ADAMTS10: variants seen among roughly 807,000 people sequenced by gnomAD.
ADAMTS10 encodes A disintegrin and metalloproteinase with thrombospondin motifs 10.
ADAMTS10 carries 48 observed loss-of-function variants against 135.9 expected under a neutral mutation model. That is an observed-to-expected ratio of 0.35 (90% confidence interval 0.28 to 0.45). The LOEUF (loss-of-function observed/expected upper bound fraction) is 0.45, where lower values mean the gene tolerates loss of function less well. ADAMTS10 is among the 20% of genes least tolerant of loss of function. The probability of loss-of-function intolerance (pLI) is 1.00; values close to 1 mark genes in which losing one functional copy is unlikely to be tolerated. For missense variants in ADAMTS10, 1,131 were observed against 1,565.2 expected, an observed-to-expected ratio of 0.72 and a Z score of 4.68; for synonymous variants, 621 against 647.5, an observed-to-expected ratio of 0.96 and a Z score of 0.62.
At chr19:8,604,070 A>C (rs2042694790) in intron 4 of ADAMTS10, among the ~76,000 whole-genome samples, 186 bp from the exon 5 acceptor site, 1 of 148,610 alleles carries the variant, frequency 6.7e-6, no homozygotes, top group African/African-American at 2.5e-5. Flanking sequence ...CTTCTTTTGG[A>C]GACAAGGTCT....
intron 15 of ADAMTS10, among the ~76,000 whole-genome samples, chr19:8,591,123 T>A (rs1555738794): frequency 6.6e-6 from 1 of 151,932 alleles, no homozygotes; most frequent in African/African-American, 2.4e-5. Flanking sequence ...TCACTGGGTT[T>A]GGTGAGAGGA....
intron 15 of ADAMTS10, among the ~76,000 whole-genome samples, chr19:8,591,352 G>C (rs2042523062): frequency 6.6e-6 from 1 of 152,002 alleles, no homozygotes; most frequent in African/African-American, 2.4e-5. Context: ...AGGTGGTGGG[G>C]GTCAGGGAGA....
At chr19:8,590,083 G>A (rs1189761423) in intron 15 of ADAMTS10, 92 bp from the exon 16 acceptor site, 10 of 912,558 alleles carry the variant, frequency 1.1e-5, no homozygotes, top group South Asian at 1.1e-4. Flanking sequence ...CTGGAGGAGG[G>A]AGGCTAGAGG....
intron 25 of ADAMTS10, among the ~76,000 whole-genome samples, chr19:8,581,989 C>T (rs1170855826): frequency 5.3e-5 from 8 of 151,526 alleles, no homozygotes; most frequent in Admixed American, 1.3e-4. Flanking sequence ...TATGATGGCA[C>T]CACTGCACTC....
rs1243102793 is a variant in ADAMTS10, at chr19:8,595,765, G to A, written c.1476C>T (p.Tyr492=). 27 of 1,374,152 alleles carry A rather than the reference G, an allele frequency of 2.0e-5. 1 individual carries two copies. The highest frequency in any genetic ancestry group is 2.6e-5 in the Non-Finnish European group (27 of 1,028,620). The allele number at this position is 1,374,152 out of a possible 1,614,324, so 85.1% of individuals were successfully genotyped here. A position where few individuals can be genotyped will look rare whatever the true frequency, so the allele number is the denominator to read the frequency against. The change falls in exon 12 of 26, where the codon TAC becomes TAT. Residue 492 remains tyrosine, a synonymous_variant. Coordinates refer to ENST00000597188, the MANE Select transcript of ADAMTS10 (RefSeq NM_030957.4). ...AAAGCAGGAAGACTCTCTCTACCCCGTATTTACACTGACGCGATTTGACTC... is the reference window on the plus strand; with the variant it reads ...AAAGCAGGAAGACTCTCTCTACCCCATATTTACACTGACGCGATTTGACTC... ...QHGVKSRQCK[Y]GEVCSELWCL... is the part of the protein sequence containing the mutation.
chr19:8,589,769 T>A, intron 16 of ADAMTS10, 120 bp downstream of exon 16: 1 of 1,404,564 alleles, frequency 7.1e-7, no homozygotes, highest in Non-Finnish European at 9.8e-7. Flanking sequence ...AGGTACTCTG[T>A]CTCCCCGGGT....
chr19:8,591,051 C>T (rs2042518327), intron 15 of ADAMTS10, among the ~76,000 whole-genome samples: 1 of 152,178 alleles, frequency 6.6e-6, no homozygotes, highest in South Asian at 2.1e-4. Flanking sequence ...CCCCAGTAAA[C>T]TTCTCACTGC....
intron 16 of ADAMTS10, 25 bp from the exon 17 acceptor site, chr19:8,589,610 C>T: frequency 6.2e-7 from 1 of 1,612,938 alleles, no homozygotes; most frequent in Non-Finnish European, 8.5e-7. Flanking sequence ...CCCGTCACAC[C>T]ACGGGCCAGG....
chr19:8,589,141 G>A (rs907435427), intron 18 of ADAMTS10, 101 bp downstream of exon 18: 2 of 1,583,156 alleles, frequency 1.3e-6, no homozygotes, highest in Admixed American at 3.4e-5. Context: ...GGCCCCTGGG[G>A]TCTGAGGAGT....
chr19:8,603,945 T>C (rs2042693303), intron 4 of ADAMTS10, 61 bp from the exon 5 acceptor site: 3 of 1,501,572 alleles, frequency 2.0e-6, no homozygotes, highest in Admixed American at 2.2e-5. Context: ...TTAGGACCCC[T>C]GGGACCTTCT....
chr19:8,584,900 G>A lies in ADAMTS10; in HGVS notation c.3197C>T (p.Pro1066Leu). ...KCDSPTPGDG[P>L]EECKDVNKVA... Reference sequence around the variant, plus strand: ...CTGGCTGGTCACCCACATACCTTCAGGGCCGTCCCCGGGGGTTGGGCTGTC... The same window carrying A: ...CTGGCTGGTCACCCACATACCTTCAAGGCCGTCCCCGGGGGTTGGGCTGTC... Residue 1066 changes from proline (P) to leucine (L), a missense_variant, in exon 25 of 26, where the codon CCT (proline) becomes CTT (leucine). This residue lies in a region of ADAMTS10 where 745 missense variants were observed against 1,056.3 expected (regional missense o/e 0.71). Coordinates refer to ENST00000597188, the MANE Select transcript of ADAMTS10 (RefSeq NM_030957.4). 2 of 1,548,984 alleles carry A rather than the reference G, an allele frequency of 1.3e-6. No individual in the cohort carries two copies. Among genetic ancestry groups the A allele is most frequent in the South Asian group, 1.2e-5 (1 of 84,010 alleles).
chr19:8,587,163 C>CTTTCT (rs1267578701), intron 18 of ADAMTS10, among the ~76,000 whole-genome samples: 8 of 143,534 alleles, frequency 5.6e-5, no homozygotes, highest in African/African-American at 2.0e-4. Flanking sequence ...TTCTTTCTTT[C>CTTTCT]TTTTTTTTTT....
intron 25 of ADAMTS10, among the ~76,000 whole-genome samples, chr19:8,583,198 T>C (rs1213200717): frequency 6.6e-6 from 1 of 152,130 alleles, no homozygotes; most frequent in African/African-American, 2.4e-5. Flanking sequence ...TGAACCCAGG[T>C]AGTTTGGTTG....
In ADAMTS10 at chr19:8,603,771, G is replaced by A. The variant is rs868958912; in HGVS notation, c.549C>T (p.Ser183=). 8 of 1,614,186 alleles carry A rather than the reference G, an allele frequency of 5.0e-6. No individual in the cohort carries two copies. The South Asian group carries it at 7.7e-5, about 16-fold the overall frequency. The change falls in exon 5 of 26, where the codon TCC becomes TCT. Residue 183 remains serine, a synonymous_variant. Transcript: ENST00000597188. ...TGTCCAGGTGGGGGTGACGCAGAGA[G>A]GAACGCTTGTACACCACATGTGGTC... ...ESGPHVVYKR[S]SLRHPHLDTA... is the part of the protein sequence containing the mutation.
At position 8,597,432 on chromosome 19, in the gene ADAMTS10, C is replaced by G. The variant is rs560319809; in HGVS notation, c.811-115G>C. On this transcript the variant is annotated intron_variant, in intron 6 of 25. Coordinates refer to ENST00000597188, the MANE Select transcript of ADAMTS10 (RefSeq NM_030957.4). ...ATCAGGCACCTACTGTGTGTCGGGT[C>G]TTAGGCTAAACCTGCTATTAGGGTT... is the stretch of plus-strand genomic sequence containing the variant. 5 of 942,266 alleles carry G rather than the reference C, an allele frequency of 5.3e-6. No individual in the cohort carries two copies. The African/African-American group carries it at 6.5e-5, about 12-fold the overall frequency. 58.4% of individuals were successfully genotyped at this position (942,266 alleles called of 1,614,324 possible). A position where few individuals can be genotyped will look rare whatever the true frequency, so the allele number is the denominator to read the frequency against.
At chr19:8,603,963 T>C in intron 4 of ADAMTS10, 79 bp from the exon 5 acceptor site, 8 of 1,444,132 alleles carry the variant, frequency 5.5e-6, no homozygotes, top group Non-Finnish European at 7.4e-6. Context: ...TCTCTCTGTC[T>C]TTATGATTTC....
chr19:8,605,265 G>A lies in ADAMTS10; in HGVS notation c.182C>T (p.Pro61Leu), dbSNP rs2042708297. 8 of 1,612,966 alleles carry A rather than the reference G, an allele frequency of 5.0e-6. No homozygotes were observed. The highest frequency in any genetic ancestry group is 6.8e-6 in the Non-Finnish European group (8 of 1,179,528). The change falls in exon 4 of 26, where the codon CCC (proline) becomes CTC (leucine). Residue 61 changes from proline (P) to leucine (L), a missense_variant. Physicochemically the swap from Pro to Leu is moderately conservative, Grantham distance 98 (BLOSUM62 -3). This residue lies in a region of ADAMTS10 where 306 missense variants were observed against 344.4 expected (regional missense o/e 0.89). Transcript: ENST00000597188. The surrounding 1 kb of genome is among the most constrained non-coding windows in gnomAD (Gnocchi z 7.7). ...CCCCGTGCCGCGGCGCTGCCTCCGG[G>A]GAGGAGGTGGCGAGAAGGCCAGCAG... Reference protein sequence around the residue: ...GALLAFSPPPPRRQRRGTGAT... With the variant: ...GALLAFSPPPLRRQRRGTGAT...
At chr19:8,606,235 G>GT (rs1459754696) in intron 2 of ADAMTS10, among the ~76,000 whole-genome samples, 2 of 152,014 alleles carry the variant, frequency 1.3e-5, no homozygotes, top group Non-Finnish European at 1.5e-5. Flanking sequence ...TAATGTTTTT[G>GT]TTTTTTTGGA....
chr19:8,595,719 C>T (rs1555739948), intron 12 of ADAMTS10, 43 bp downstream of exon 12: 2 of 1,475,198 alleles, frequency 1.4e-6, no homozygotes, highest in Non-Finnish European at 9.2e-7. Context: ...GCCCCAGCGG[C>T]CCCCTCCCCT....
Sources: gnomAD v4.1 joint callset for allele counts (sites outside exome capture counted in the v4.1 genomes callset) on GRCh38, gnomAD v4.1.1 for gene constraint, gnomAD v4.1.1 regional missense constraint, Gnocchi (gnomAD v3.1) non-coding constraint, MANE v1.5 for transcripts, NCBI Gene and HGNC (gene_info 2026-07-23, HGNC 2026-07-21) for gene names.